Variants in RSF1 observed in about 807,000 individuals in gnomAD.
The protein encoded by RSF1 is HBV pX-associated protein 8.
In RSF1, 13 loss-of-function variants were observed where a neutral mutation model predicts 145.2. That is an observed-to-expected ratio of 0.09 (90% CI 0.06 to 0.14). RSF1 has a LOEUF of 0.14. RSF1 is among the 10% of genes least tolerant of loss of function. The pLI is 1.00. For synonymous variants in RSF1, 577 were observed against 592.6 expected (o/e 0.97, Z 0.38); for missense variants, 1,517 against 1,718.2 (o/e 0.88, Z 2.07).
chr11:77,765,616 G>A (rs1037573509), intron 1 of RSF1, among the ~76,000 whole-genome samples: 11 of 152,180 alleles, frequency 7.2e-5, no homozygotes, highest in Non-Finnish European at 1.2e-4. Flanking sequence ...GAGGACTGCC[G>A]TATCTTCCCT....
chr11:77,831,657 A>G, the RSF1 span, among the ~76,000 whole-genome samples: 2 of 150,196 alleles, frequency 1.3e-5, no homozygotes, highest in African/African-American at 4.9e-5. Flanking sequence ...TCCACACAAC[A>G]TGAAAGAAGC....
intron 1 of RSF1, among the ~76,000 whole-genome samples, chr11:77,816,692 G>A (rs1467329608): frequency 6.6e-6 from 1 of 152,146 alleles, no homozygotes; most frequent in East Asian, 1.9e-4. Flanking sequence ...CTCTGCAGGA[G>A]AGGAAAGATA....
intron 1 of RSF1, among the ~76,000 whole-genome samples, chr11:77,796,373 C>T (rs868730544): frequency 6.6e-6 from 1 of 152,104 alleles, no homozygotes. Flanking sequence ...AGTCAATAAA[C>T]GTAATTCATC....
chr11:77,764,979 A>T (rs1161757740), intron 1 of RSF1, among the ~76,000 whole-genome samples: 1 of 152,186 alleles, frequency 6.6e-6, no homozygotes, highest in Non-Finnish European at 1.5e-5. Context: ...ATTATATGTC[A>T]ATGTAGGTTC....
intron 1 of RSF1, among the ~76,000 whole-genome samples, chr11:77,800,360 C>T (rs1420468086): frequency 6.6e-6 from 1 of 151,862 alleles, no homozygotes; most frequent in Non-Finnish European, 1.5e-5. Context: ...GGTGTATTGG[C>T]ACACACCTGT....
chr11:77,762,241 T>C (rs1259876557), intron 2 of RSF1: 3 of 152,026 alleles, frequency 2.0e-5, no homozygotes, highest in African/African-American at 7.3e-5. Context: ...TTTGAGGTCC[T>C]GTCTACTACG....
intron 1 of RSF1, among the ~76,000 whole-genome samples, chr11:77,816,858 C>T (rs1948786602): frequency 6.6e-6 from 1 of 152,250 alleles, no homozygotes; most frequent in Non-Finnish European, 1.5e-5. Flanking sequence ...GAGGATAAAA[C>T]ACCACCTTCA....
At chr11:77,785,419 G>C (rs1948444056) in intron 1 of RSF1, among the ~76,000 whole-genome samples, 1 of 152,002 alleles carries the variant, frequency 6.6e-6, no homozygotes, top group Non-Finnish European at 1.5e-5. Flanking sequence ...GTGAAACTGT[G>C]TCTCTACTAA....
chr11:77,834,446 T>G, the RSF1 span, among the ~76,000 whole-genome samples: 2 of 147,494 alleles, frequency 1.4e-5, no homozygotes, highest in Admixed American at 6.8e-5. Flanking sequence ...ATTTTGTTTT[T>G]TTTTTTTTTT....
intron 2 of RSF1, among the ~76,000 whole-genome samples, chr11:77,749,065 T>C (rs570673368): frequency 6.6e-6 from 1 of 152,302 alleles, no homozygotes; most frequent in South Asian, 2.1e-4. Flanking sequence ...AAAGGCCACA[T>C]ATTGCATGAT....
the RSF1 span, chr11:77,866,554 T>G: frequency 6.6e-6 from 1 of 152,192 alleles, no homozygotes; most frequent in Non-Finnish European, 1.5e-5. Context: ...AGTTCATCAC[T>G]TGAGTTCCAT....
At chr11:77,763,772 G>T in intron 2 of RSF1, 1 of 152,254 alleles carries the variant, frequency 6.6e-6, no homozygotes. Flanking sequence ...ACAAACTGGT[G>T]GGAAGGTACT....
At chr11:77,774,748 G>A (rs544987544) in intron 1 of RSF1, among the ~76,000 whole-genome samples, 15 of 150,498 alleles carry the variant, frequency 1.0e-4, no homozygotes, top group Non-Finnish European at 1.9e-4. Flanking sequence ...CCAACATGGT[G>A]AAACCCTGCT....
At chr11:77,821,102 G>T (rs1948874535), upstream of RSF1, 2 of 448,888 alleles carry the variant, frequency 4.5e-6, no homozygotes, top group East Asian at 6.9e-5. Context: ...AGGGGGCGGG[G>T]CCTCGGGCGC....
At chr11:77,708,535 A>T (rs1293727299) in intron 5 of RSF1, among the ~76,000 whole-genome samples, 1 of 152,192 alleles carries the variant, frequency 6.6e-6, no homozygotes, top group Non-Finnish European at 1.5e-5. Context: ...ACTCAGAAAG[A>T]GTTTTAATCA....
Position 77,820,297 on chromosome 11 carries a change from C to T in RSF1, c.187+231G>A, listed in dbSNP as rs113004632. Among the ~76,000 whole-genome samples the T allele has an allele frequency of 0.12, 18,014 of 152,262 alleles. 1,463 individuals carry two copies. The highest frequency in any genetic ancestry group is 0.17 in the Non-Finnish European group (11,697 of 67,980). ...AGCCCACACCTAGCCCGCAACGCCT[C>T]CACCTCAGCTCCCCGCCCGGCCGAG... is the stretch of plus-strand genomic sequence containing the variant. On this transcript the variant is annotated intron_variant, in intron 1 of 15. Transcript: ENST00000308488.
intron 2 of RSF1, among the ~76,000 whole-genome samples, chr11:77,750,305 A>T (rs1321404965): frequency 1.3e-5 from 2 of 152,240 alleles, no homozygotes; most frequent in African/African-American, 4.8e-5. Flanking sequence ...TAGGCACTAT[A>T]GGCCATAGAG....
intron 4 of RSF1, among the ~76,000 whole-genome samples, chr11:77,734,040 A>G (rs1342878439): frequency 1.3e-5 from 2 of 152,230 alleles, no homozygotes; most frequent in African/African-American, 4.8e-5. Flanking sequence ...ATTAACTGGA[A>G]TAAGTAGGAC....
chr11:77,721,799 T>A (rs774364711), intron 5 of RSF1, among the ~76,000 whole-genome samples: 1 of 152,040 alleles, frequency 6.6e-6, no homozygotes. Context: ...ACAGAGAAGG[T>A]GCACAGTAAG....
Sources: allele counts gnomAD v4.1 joint callset (sites outside exome capture counted in the v4.1 genomes callset), GRCh38; gene constraint gnomAD v4.1.1; transcripts MANE v1.5; gene names NCBI Gene and HGNC (gene_info 2026-07-23, HGNC 2026-07-21).